GFOD1: variants seen among roughly 807,000 people sequenced by gnomAD.
GFOD1 encodes Gfo/Idh/MocA-like oxidoreductase domain containing 1, also known as glucose-fructose oxidoreductase domain-containing protein 1.
Under a neutral mutation model 25.4 loss-of-function variants are expected in GFOD1, and 9 were observed. The ratio of observed to expected loss-of-function variants is 0.35; its 90% CI spans 0.21 to 0.62. GFOD1 has a LOEUF of 0.62. Ranked by LOEUF, GFOD1 falls within the 20% of genes least tolerant of loss-of-function variation. The pLI is 0.72. For missense variants in GFOD1, 403 were observed against 556.9 expected (o/e 0.72, Z 2.78); for synonymous variants, 253 against 245.6 (o/e 1.03, Z -0.28).
intron 1 of GFOD1, among the ~76,000 whole-genome samples, chr6:13,484,023 C>A (rs1758812509): frequency 6.6e-6 from 1 of 152,146 alleles, no homozygotes; most frequent in African/African-American, 2.4e-5. Flanking sequence ...AATGCCTCTA[C>A]AACAGAGGAA....
chr6:13,467,224 A>G (rs1295268876), intron 1 of GFOD1, among the ~76,000 whole-genome samples: 1 of 152,238 alleles, frequency 6.6e-6, no homozygotes, highest in Non-Finnish European at 1.5e-5. Context: ...CTAAGTCAAT[A>G]CCAAGCTTTT....
intron 1 of GFOD1, among the ~76,000 whole-genome samples, chr6:13,368,811 T>C (rs1363126345): frequency 6.6e-6 from 1 of 152,222 alleles, no homozygotes; most frequent in Non-Finnish European, 1.5e-5. Context: ...TGGAATTCTT[T>C]GCAGCTCCAT....
At chr6:13,479,765 G>C (rs1758707160) in intron 1 of GFOD1, among the ~76,000 whole-genome samples, 1 of 152,188 alleles carries the variant, frequency 6.6e-6, no homozygotes. Context: ...GGTGATGCTT[G>C]ACTTTTCCTA....
chr6:13,477,740 C>T (rs948073812), intron 1 of GFOD1, among the ~76,000 whole-genome samples: 22 of 152,020 alleles, frequency 1.4e-4, no homozygotes, highest in African/African-American at 4.6e-4. Context: ...CAGTGAAATG[C>T]CAAATGTGTA....
At chr6:13,422,058 G>GGGTC (rs1786266543) in intron 1 of GFOD1, among the ~76,000 whole-genome samples, 2 of 152,060 alleles carry the variant, frequency 1.3e-5, no homozygotes, top group Non-Finnish European at 2.9e-5. Context: ...GGGGTTGGTT[G>GGGTC]GGTCCCCTCC....
At chr6:13,442,333 G>A (rs1757930973) in intron 1 of GFOD1, among the ~76,000 whole-genome samples, 1 of 152,152 alleles carries the variant, frequency 6.6e-6, no homozygotes, top group Non-Finnish European at 1.5e-5. Flanking sequence ...CGTCAAACAA[G>A]TCTATCAGCA....
intron 1 of GFOD1, among the ~76,000 whole-genome samples, chr6:13,485,833 T>A (rs1216613876): frequency 6.6e-6 from 1 of 152,110 alleles, no homozygotes; most frequent in East Asian, 1.9e-4. Flanking sequence ...ACTGCGCCCA[T>A]CCTCCTAAAA....
intron 1 of GFOD1, among the ~76,000 whole-genome samples, chr6:13,413,143 G>A (rs1047056672): frequency 4.6e-5 from 7 of 152,222 alleles, no homozygotes; most frequent in African/African-American, 1.7e-4. Flanking sequence ...TCGTACCTGA[G>A]GTTTTGCCCT....
chr6:13,425,628 G>T (rs368117570), intron 1 of GFOD1, among the ~76,000 whole-genome samples: 1 of 152,162 alleles, frequency 6.6e-6, no homozygotes, highest in South Asian at 2.1e-4. Context: ...TTCATCCCAT[G>T]CAGCTTCCTC....
intron 1 of GFOD1, among the ~76,000 whole-genome samples, chr6:13,459,015 T>C (rs1758243164): frequency 6.6e-6 from 1 of 152,164 alleles, no homozygotes; most frequent in Non-Finnish European, 1.5e-5. Context: ...CCAAAATATA[T>C]GAATTGGAAA....
rs192525342 is a variant in GFOD1 at position 13,414,298 on chromosome 6, G to T, written c.254-48636C>A. ...TTTGGAGATGACTTGAGATGGCAGT[G>T]CAGTCACACTGGCAGGAGAGCCAGG... On this transcript the variant is annotated intron_variant, in intron 1 of 1. Coordinates refer to ENST00000379287, the MANE Select transcript of GFOD1 (RefSeq NM_018988.4). Among the ~76,000 whole-genome samples the T allele has an allele frequency of 5.9e-5, 9 of 152,380 alleles. No individual in the cohort carries two copies. In the East Asian group the frequency reaches 1.7e-3, roughly 29 times the overall value.
intron 1 of GFOD1, among the ~76,000 whole-genome samples, chr6:13,432,228 CT>C (rs537723348): frequency 0.06 from 8,424 of 141,252 alleles, 267 homozygotes; most frequent in African/African-American, 0.097. Flanking sequence ...CTTTTCTTTT[CT>C]TTTTTTTTTT....
chr6:13,455,411 C>T (rs1173459194), intron 1 of GFOD1, among the ~76,000 whole-genome samples: 2 of 152,178 alleles, frequency 1.3e-5, no homozygotes, highest in Non-Finnish European at 2.9e-5. Flanking sequence ...GTGGCTACCA[C>T]GAATGGGAAA....
chr6:13,409,089 G>A (rs4715268), intron 1 of GFOD1, among the ~76,000 whole-genome samples: 11,117 of 27,716 alleles, frequency 0.4, 2,089 homozygotes, highest in South Asian at 0.57. Context: ...CATCAGAAAG[G>A]AAAGAAAGAA....
chr6:13,364,980 C>T lies in GFOD1; in HGVS notation c.936G>A (p.Ala312=), dbSNP rs530268309. 12 of 1,610,120 alleles carry T rather than the reference C, an allele frequency of 7.5e-6. No homozygotes were observed. The highest frequency in any genetic ancestry group is 1.3e-5 in the African/African-American group (1 of 74,936). Residue 312 remains alanine, a synonymous_variant, in exon 2 of 2, where the codon GCG becomes GCA. Coordinates refer to ENST00000379287, the MANE Select transcript of GFOD1 (RefSeq NM_018988.4). This position sits in a 1 kb window ranked among gnomAD's most constrained non-coding sequence, Gnocchi z 4.1. ...CCTGGTCCTGGAAGGCCTGGCGCAC[C>T]GCCTGCATCATCTTGATGGTGCCGC... ...YLRGTIKMMQ[A]VRQAFQDQDD... is the part of the protein sequence containing the mutation.
chr6:13,371,069 G>A (rs1213575401), intron 1 of GFOD1, among the ~76,000 whole-genome samples: 1 of 152,198 alleles, frequency 6.6e-6, no homozygotes, highest in African/African-American at 2.4e-5. Context: ...ATTTAATGTA[G>A]GAAATAAGTA....
chr6:13,364,422 A>C lies in GFOD1; in HGVS notation c.*321T>G. The C allele has an allele frequency of 9.5e-6, 3 of 315,524 alleles. No homozygotes were observed. The highest frequency in any genetic ancestry group is 6.0e-6 in the Non-Finnish European group (1 of 167,814). 19.5% of individuals were successfully genotyped at this position (315,524 alleles called of 1,614,324 possible). Reference sequence around the variant, plus strand: ...GTGGGATGGATGAGGTAGGGAGGGAAGCAACCCCTCCTTGCTTGTCACAGT... The same window carrying C: ...GTGGGATGGATGAGGTAGGGAGGGACGCAACCCCTCCTTGCTTGTCACAGT... On this transcript the variant is annotated 3_prime_UTR_variant, in exon 2 of 2. Transcript: ENST00000379287. This position sits in a 1 kb window ranked among gnomAD's most constrained non-coding sequence, Gnocchi z 4.1.
At chr6:13,438,558 A>C (rs1757867764) in intron 1 of GFOD1, among the ~76,000 whole-genome samples, 2 of 152,156 alleles carry the variant, frequency 1.3e-5, no homozygotes. Flanking sequence ...TCTCTCAATT[A>C]GTAATATATT....
chr6:13,462,256 G>A (rs1033855278), intron 1 of GFOD1, among the ~76,000 whole-genome samples: 8 of 152,222 alleles, frequency 5.3e-5, no homozygotes, highest in Admixed American at 3.3e-4. Flanking sequence ...TCTATACAGA[G>A]AGAATAAGAA....
Sources: allele counts gnomAD v4.1 joint callset (sites outside exome capture counted in the v4.1 genomes callset), GRCh38; gene constraint gnomAD v4.1.1; non-coding constraint Gnocchi (gnomAD v3.1); transcripts MANE v1.5; gene names NCBI Gene and HGNC (gene_info 2026-07-23, HGNC 2026-07-21).